The following ADCY10 variants were observed in gnomAD, a reference collection of about 807,000 sequenced individuals.
The protein encoded by ADCY10 is adenylate cyclase type 10.
In ADCY10, 156 loss-of-function variants were observed where a neutral mutation model predicts 183.3. That is an observed-to-expected ratio of 0.85 (90% confidence interval 0.75 to 0.97). The LOEUF (loss-of-function observed/expected upper bound fraction) is 0.97. Among genes scored for constraint, ADCY10 ranks in the 50% least tolerant of loss-of-function variants. The pLI is 0.00. For synonymous variants in ADCY10, 645 were observed against 670.0 expected, an observed-to-expected ratio of 0.96 and a Z score of 0.58; for missense variants, 1,745 against 1,934.3, an observed-to-expected ratio of 0.90 and a Z score of 1.84.
Position 167,898,547 on chromosome 1 carries a change from C to T in ADCY10, c.642+876G>A, listed in dbSNP as rs531912600. 5.3e-5 allele frequency among the ~76,000 whole-genome samples: 8 copies of T among 151,094 alleles called. No homozygotes were observed. In the East Asian group the frequency reaches 7.8e-4, roughly 15 times the overall value. On this transcript the variant is annotated intron_variant, in intron 6 of 32. Transcript: ENST00000367851. ...CCGGGAGGCGGAGGTTGCAGTGAGC[C>T]GAGATCACGCCATTGCACTCTAGCC...
chr1:167,901,989 C>A, intron 4 of ADCY10, 27 bp downstream of exon 4: 2 of 1,613,590 alleles, frequency 1.2e-6, no homozygotes, highest in Non-Finnish European at 1.7e-6. Flanking sequence ...CCTTTCTTAC[C>A]CCTTCTATCT....
At chr1:167,904,737 G>A (rs1455136769) in intron 2 of ADCY10, 16 of 613,112 alleles carry the variant, frequency 2.6e-5, no homozygotes, top group Non-Finnish European at 4.0e-5. Context: ...AGTTGGGGCA[G>A]AGATACTGGA....
At chr1:167,820,409 G>A (rs1295493265) in intron 30 of ADCY10, 1 of 528,168 alleles carries the variant, frequency 1.9e-6, no homozygotes, top group Non-Finnish European at 3.3e-6. Flanking sequence ...AGAGCTGGCC[G>A]ACTGCCCTCC....
chr1:167,875,235 A>G, intron 12 of ADCY10, 49 bp from the exon 13 acceptor site: 1 of 1,566,288 alleles, frequency 6.4e-7, no homozygotes, highest in Non-Finnish European at 8.8e-7. Context: ...ACAGGGACAT[A>G]TTGAGAGCAA....
At chr1:167,809,962 A>C in intron 32 of ADCY10, 123 bp from the exon 33 acceptor site, 1 of 977,478 alleles carries the variant, frequency 1.0e-6, no homozygotes, top group Non-Finnish European at 1.6e-6. Flanking sequence ...CATAGACAAA[A>C]ACGAATCTTG....
chr1:167,870,225 T>G (rs1159686285), intron 14 of ADCY10, 32 bp downstream of exon 14: 1 of 1,613,214 alleles, frequency 6.2e-7, no homozygotes, highest in East Asian at 2.2e-5. Flanking sequence ...ATTCTATGGG[T>G]TCACACAGAA....
At chr1:167,821,927 T>G in intron 30 of ADCY10, 97 bp downstream of exon 30, 1 of 866,760 alleles carries the variant, frequency 1.2e-6, no homozygotes, top group Non-Finnish European at 2.0e-6. Context: ...GTCTCAGGTA[T>G]AAATTATGAA....
chr1:167,902,834 A>G (rs1669532775), intron 3 of ADCY10, among the ~76,000 whole-genome samples: 1 of 152,224 alleles, frequency 6.6e-6, no homozygotes, highest in Admixed American at 6.5e-5. Context: ...TTTTCAGTTC[A>G]CTCTAAGTGC....
At position 167,899,520 on chromosome 1, in the gene ADCY10, G is replaced by A. The variant is rs11576754; in HGVS notation, c.545C>T (p.Ala182Val). The A allele has an allele frequency of 3.1e-6, 5 of 1,614,108 alleles. No individual in the cohort carries two copies. Among genetic ancestry groups the A allele is most frequent in the Non-Finnish European group, 3.4e-6 (4 of 1,180,050 alleles). ...VDDVRLAQNMAQMNDVILSPN... is the reference protein window; with the variant it reads ...VDDVRLAQNMVQMNDVILSPN... ...TGACAGAATAACATCATTCATCTGA[G>A]CCATGTTCTGGGCAAGGCGCACATC... The change falls in exon 6 of 33, where the codon GCT becomes GTT. Residue 182 changes from alanine (A) to valine (V), a missense_variant. Transcript: ENST00000367851.
At chr1:167,856,064 G>A in intron 17 of ADCY10, 101 bp downstream of exon 17, 1 of 1,341,508 alleles carries the variant, frequency 7.5e-7, no homozygotes. Context: ...GAAAGATACT[G>A]AAATAGGCAC....
chr1:167,854,166 G>A (rs983708756), intron 18 of ADCY10, among the ~76,000 whole-genome samples, 187 bp downstream of exon 18: 4 of 152,046 alleles, frequency 2.6e-5, no homozygotes, highest in Admixed American at 6.6e-5. Context: ...GCCGAGTCCA[G>A]TGAGTCCCAG....
chr1:167,895,296 A>C (rs534999840), intron 7 of ADCY10, among the ~76,000 whole-genome samples: 1 of 152,150 alleles, frequency 6.6e-6, no homozygotes, highest in African/African-American at 2.4e-5. Flanking sequence ...AGTAAAGCTC[A>C]AGGAGTGGGT....
chr1:167,871,037 T>G (rs1667070913), intron 13 of ADCY10, among the ~76,000 whole-genome samples: 1 of 152,220 alleles, frequency 6.6e-6, no homozygotes, highest in Non-Finnish European at 1.5e-5. Context: ...CAACCAGGAA[T>G]TAAGCCAAGG....
intron 26 of ADCY10, among the ~76,000 whole-genome samples, chr1:167,826,250 C>T (rs1393153098): frequency 3.9e-5 from 6 of 152,146 alleles, no homozygotes; most frequent in African/African-American, 7.2e-5. Flanking sequence ...GTGTTGGGCA[C>T]GAGAAATCCA....
At chr1:167,892,864 T>G (rs1248753047) in intron 8 of ADCY10, among the ~76,000 whole-genome samples, 1 of 152,212 alleles carries the variant, frequency 6.6e-6, no homozygotes, top group Non-Finnish European at 1.5e-5. Flanking sequence ...AGAAGTCAGA[T>G]AGACCAGGGT....
intron 3 of ADCY10, 68 bp from the exon 4 acceptor site, chr1:167,902,122 T>C: frequency 6.9e-7 from 1 of 1,445,122 alleles, no homozygotes; most frequent in South Asian, 1.2e-5. Flanking sequence ...CATCATTCTT[T>C]CTTAGTGGAA....
intron 28 of ADCY10, 133 bp downstream of exon 28, chr1:167,824,343 T>C: frequency 1.2e-6 from 1 of 800,318 alleles, no homozygotes; most frequent in Non-Finnish European, 2.2e-6. Context: ...AAAGGGTGAC[T>C]ACTATCAGTT....
At chr1:167,910,214 T>C (rs1670066834) in intron 1 of ADCY10, among the ~76,000 whole-genome samples, 2 of 152,218 alleles carry the variant, frequency 1.3e-5, no homozygotes, top group Non-Finnish European at 2.9e-5. Flanking sequence ...TGTTTCCTTG[T>C]TGGTACTAAG....
chr1:167,856,291 G>C lies in ADCY10; in HGVS notation c.2045C>G (p.Ala682Gly). Residue 682 changes from alanine to glycine, a missense_variant, in exon 17 of 33, where the codon GCT becomes GGT. Transcript: ENST00000367851. ...LCPFVNIPCA[A>G]ARAVIKNRNT... is the part of the protein sequence containing the mutation. Reference sequence around the variant, plus strand: ...CCTGTTCTTTATTACGGCCCTGGCAGCTGCACAGGGAATGTTAACGAAGGG... The same window carrying C: ...CCTGTTCTTTATTACGGCCCTGGCACCTGCACAGGGAATGTTAACGAAGGG... 6.2e-7 allele frequency: 1 copy of C among 1,613,948 alleles called. No homozygotes were observed. The highest frequency in any genetic ancestry group is 8.5e-7 in the Non-Finnish European group (1 of 1,179,918).
Sources: allele counts gnomAD v4.1 joint callset (sites outside exome capture counted in the v4.1 genomes callset), GRCh38; gene constraint gnomAD v4.1.1; transcripts MANE v1.5; gene names NCBI Gene and HGNC (gene_info 2026-07-23, HGNC 2026-07-21).